The following ATP10B variants were observed in gnomAD, a reference collection of about 807,000 sequenced individuals.
The protein encoded by ATP10B is phospholipid-transporting ATPase VB.
In ATP10B, 122 loss-of-function variants were observed where a neutral mutation model predicts 141.2. The ratio of observed to expected loss-of-function variants is 0.86; its 90% confidence interval spans 0.75 to 1.00. The LOEUF (loss-of-function observed/expected upper bound fraction) is 1.00. ATP10B is among the 50% of genes least tolerant of loss of function. ATP10B has a pLI of 0.00. For missense variants in ATP10B, 1,876 were observed against 1,825.3 expected (o/e 1.03, Z -0.51); for synonymous variants, 685 against 692.0 (o/e 0.99, Z 0.16).
chr5:160,783,860 A>T (rs1218374497), intron 2 of ATP10B, among the ~76,000 whole-genome samples: 1 of 152,004 alleles, frequency 6.6e-6, no homozygotes, highest in Non-Finnish European at 1.5e-5. Context: ...AGCAGTGTAG[A>T]AGTGTTCCCT....
At chr5:160,687,761 T>C (rs756428509) in intron 5 of ATP10B, 39 bp downstream of exon 5, 1 of 1,584,638 alleles carries the variant, frequency 6.3e-7, no homozygotes, top group Non-Finnish European at 8.6e-7. Context: ...TGAGACTCTT[T>C]CTCTAAAAAG....
chr5:160,884,675 GAT>G, the ATP10B span, among the ~76,000 whole-genome samples: 1 of 151,926 alleles, frequency 6.6e-6, no homozygotes, highest in African/African-American at 2.4e-5. Context: ...TATGGCAATT[GAT>G]ATAAGTATTC....
At chr5:160,923,882 G>C in the ATP10B span, among the ~76,000 whole-genome samples, 1 of 152,208 alleles carries the variant, frequency 6.6e-6, no homozygotes. Flanking sequence ...AACAAGAAAG[G>C]AAAGAGAAAT....
upstream of ATP10B, among the ~76,000 whole-genome samples, chr5:160,852,906 T>TAA (rs33971292): frequency 7.1e-3 from 1,071 of 151,734 alleles, 16 homozygotes; most frequent in African/African-American, 0.022. Context: ...TTAAGGGTAG[T>TAA]AAAAAAAAGA....
the ATP10B span, among the ~76,000 whole-genome samples, chr5:160,884,329 A>G: frequency 6.6e-6 from 1 of 152,216 alleles, no homozygotes; most frequent in Non-Finnish European, 1.5e-5. Context: ...TCTCACCAAA[A>G]TCAGCTTCAG....
At chr5:160,921,943 G>C in the ATP10B span, among the ~76,000 whole-genome samples, 1 of 152,160 alleles carries the variant, frequency 6.6e-6, no homozygotes, top group Non-Finnish European at 1.5e-5. Flanking sequence ...ATCCTTAATG[G>C]AATGGCAAAG....
intron 22 of ATP10B, among the ~76,000 whole-genome samples, chr5:160,596,772 G>A (rs1477875748): frequency 1.3e-5 from 2 of 152,026 alleles, no homozygotes; most frequent in South Asian, 2.1e-4. Context: ...GAGCCAAATC[G>A]TGAATGAACT....
Position 160,632,240 on chromosome 5 carries a change from C to T in ATP10B, c.1509G>A (p.Gln503=). 1 of 1,614,190 alleles carries T rather than the reference C, an allele frequency of 6.2e-7. No homozygotes were observed. Among genetic ancestry groups the T allele is most frequent in the Non-Finnish European group, 8.5e-7 (1 of 1,180,028 alleles). ...GGGCACTCTGGCTCCTCCTCAGAGG[C>T]TGAGCACCTTTTTGGCTTCTCATAG... is the stretch of plus-strand genomic sequence containing the variant. ...PATMRSQKGA[Q]PLRRSQSARV... The change falls in exon 13 of 26, where the codon CAG becomes CAA. Residue 503 remains glutamine (Q), a synonymous_variant. Coordinates refer to ENST00000327245, the MANE Select transcript of ATP10B (RefSeq NM_025153.3).
At position 160,780,088 on chromosome 5, in the gene ATP10B, TGAGA is replaced by T. The variant is rs554325673; in HGVS notation, c.-331+5467_-331+5470del. On this transcript the variant is annotated intron_variant, in intron 2 of 25. Transcript: ENST00000327245. Reference sequence around the variant, plus strand: ...TAATGGGAGACAAATTCTTTCATGGTGAGAGATAGCACTGCTAATTATTAGAACA... The same window carrying T: ...TAATGGGAGACAAATTCTTTCATGGTGATAGCACTGCTAATTATTAGAACA... 2.7e-3 allele frequency among the ~76,000 whole-genome samples: 415 copies of T among 152,304 alleles called. 4 individuals carry two copies. The highest frequency in any genetic ancestry group is 0.026 in the Admixed American group (400 of 15,292).
intron 1 of ATP10B, among the ~76,000 whole-genome samples, chr5:160,792,156 C>T (rs1322755220): frequency 6.6e-6 from 1 of 152,102 alleles, no homozygotes; most frequent in African/African-American, 2.4e-5. Flanking sequence ...CTATGTACCC[C>T]TTGTCACACT....
intron 1 of ATP10B, among the ~76,000 whole-genome samples, chr5:160,795,964 C>T (rs540403401): frequency 6.6e-6 from 1 of 152,278 alleles, no homozygotes; most frequent in South Asian, 2.1e-4. Context: ...AAAATAAACA[C>T]AGTCCTCACT....
intron 24 of ATP10B, among the ~76,000 whole-genome samples, chr5:160,586,140 C>T (rs1561627687): frequency 1.3e-5 from 2 of 152,234 alleles, no homozygotes; most frequent in East Asian, 3.9e-4. Flanking sequence ...TTCCCCACCT[C>T]CTGACAGTCC....
chr5:160,644,024 A>T, intron 9 of ATP10B, 114 bp downstream of exon 9: 2 of 818,976 alleles, frequency 2.4e-6, no homozygotes, highest in Non-Finnish European at 4.1e-6. Flanking sequence ...GGGAAGTTAC[A>T]TGAGTAAATG....
chr5:160,641,783 A>C (rs1320309196), intron 9 of ATP10B, among the ~76,000 whole-genome samples: 1 of 152,250 alleles, frequency 6.6e-6, no homozygotes, highest in Non-Finnish European at 1.5e-5. Flanking sequence ...AAATTGAAGA[A>C]AACCAATACA....
chr5:160,901,461 T>G, the ATP10B span, among the ~76,000 whole-genome samples: 1 of 152,186 alleles, frequency 6.6e-6, no homozygotes. Context: ...TTCTGAACAC[T>G]GGGCTGAGTG....
intron 18 of ATP10B, among the ~76,000 whole-genome samples, chr5:160,609,643 G>C (rs1187157609): frequency 1.3e-5 from 2 of 152,204 alleles, no homozygotes; most frequent in African/African-American, 2.4e-5. Flanking sequence ...CCTCCAAAGT[G>C]CTGGGATTAC....
intron 3 of ATP10B, among the ~76,000 whole-genome samples, chr5:160,705,537 C>T (rs1417430497): frequency 1.3e-5 from 2 of 152,136 alleles, no homozygotes; most frequent in Non-Finnish European, 2.9e-5. Flanking sequence ...TTTGGGATTA[C>T]AGGTGTGAGC....
the ATP10B span, among the ~76,000 whole-genome samples, chr5:160,873,908 C>G: frequency 6.6e-6 from 1 of 152,232 alleles, no homozygotes; most frequent in Non-Finnish European, 1.5e-5. Flanking sequence ...TCGCTGATTG[C>G]TAGCACAGCA....
intron 1 of ATP10B, among the ~76,000 whole-genome samples, chr5:160,814,334 G>A (rs190850287): frequency 0.029 from 4,433 of 152,296 alleles, 181 homozygotes; most frequent in East Asian, 0.17. Flanking sequence ...ACTACGTGAT[G>A]AATGCACAAG....
Sources: gnomAD v4.1 joint callset for allele counts (sites outside exome capture counted in the v4.1 genomes callset) on GRCh38, gnomAD v4.1.1 for gene constraint, MANE v1.5 for transcripts, NCBI Gene and HGNC (gene_info 2026-07-23, HGNC 2026-07-21) for gene names.